Variants in SNX24 observed in about 807,000 individuals in gnomAD.
SNX24 encodes sorting nexin-24.
SNX24 carries 22 observed loss-of-function variants against 28.7 expected under a neutral mutation model. That is an observed-to-expected ratio of 0.77 (90% CI 0.55 to 1.10). The LOEUF (loss-of-function observed/expected upper bound fraction) is 1.10, where lower values mean the gene tolerates loss of function less well. Among genes scored for constraint, SNX24 ranks in the 50% least tolerant of loss-of-function variants. The probability of loss-of-function intolerance (pLI) is 0.00; values close to 1 mark genes in which losing one functional copy is unlikely to be tolerated. For missense variants in SNX24, 221 were observed against 201.1 expected, an observed-to-expected ratio of 1.10 and a Z score of -0.60; for synonymous variants, 69 against 71.5, an observed-to-expected ratio of 0.96 and a Z score of 0.18.
intron 1 of SNX24, among the ~76,000 whole-genome samples, chr5:122,873,844 C>A (rs979219266): frequency 1.3e-5 from 2 of 149,458 alleles, no homozygotes; most frequent in African/African-American, 2.5e-5. Flanking sequence ...CGGCTTACTG[C>A]AACTTCCACC....
chr5:122,984,501 TTAATG>T (rs1761515700), intron 3 of SNX24, among the ~76,000 whole-genome samples: 1 of 152,202 alleles, frequency 6.6e-6, no homozygotes, highest in Non-Finnish European at 1.5e-5. Context: ...CATCTGCTGT[TTAATG>T]TAATTAGTTT....
At chr5:122,925,936 A>T (rs1758675215) in intron 1 of SNX24, among the ~76,000 whole-genome samples, 1 of 152,198 alleles carries the variant, frequency 6.6e-6, no homozygotes, top group South Asian at 2.1e-4. Flanking sequence ...ATAATTTGTT[A>T]GACAAACAGA....
intron 1 of SNX24, among the ~76,000 whole-genome samples, chr5:122,873,843 G>A (rs1359380313): frequency 7.2e-6 from 1 of 139,126 alleles, no homozygotes; most frequent in African/African-American, 2.7e-5. Context: ...TCGGCTTACT[G>A]CAACTTCCAC....
In SNX24 at chr5:122,891,180, TC is replaced by T. The variant is rs1407232966; in HGVS notation, c.60+45489del. 1.7e-5 allele frequency: 23 copies of T among 1,378,940 alleles called. No homozygotes were observed. The African/African-American group carries it at 2.8e-4, about 17-fold the overall frequency. 85.4% of individuals were successfully genotyped at this position (1,378,940 alleles called of 1,614,324 possible). A position where few individuals can be genotyped will look rare whatever the true frequency, so the allele number is the denominator to read the frequency against. On this transcript the variant is annotated intron_variant, in intron 1 of 6. Transcript: ENST00000261369. ...GTGTTTTTTTGTTTTTTGTTTTTTT[TC>T]CTAAGTAGTTTATTTTTCTGGTTGA...
At chr5:122,960,212 C>G (rs1228049858) in intron 3 of SNX24, among the ~76,000 whole-genome samples, 1 of 152,158 alleles carries the variant, frequency 6.6e-6, no homozygotes, top group Non-Finnish European at 1.5e-5. Flanking sequence ...AATGTTTAAA[C>G]AACATCCCAT....
chr5:122,913,241 A>G (rs988887519), intron 1 of SNX24, among the ~76,000 whole-genome samples: 27 of 152,152 alleles, frequency 1.8e-4, no homozygotes, highest in Non-Finnish European at 3.1e-4. Flanking sequence ...CACCTCCCAG[A>G]TGGGGTGGTG....
chr5:122,915,015 G>A (rs150754917), intron 1 of SNX24, among the ~76,000 whole-genome samples: 7 of 152,278 alleles, frequency 4.6e-5, no homozygotes, highest in African/African-American at 7.2e-5. Flanking sequence ...TTGAGTGTCC[G>A]TGATCCAAAA....
chr5:123,022,865 G>A, intron 5 of SNX24: 1 of 152,440 alleles, frequency 6.6e-6, no homozygotes, highest in Non-Finnish European at 1.5e-5. Context: ...GTTGCCTGGG[G>A]CAATCACAGC....
Position 123,001,978 on chromosome 5 carries a change from A to T in SNX24, c.416A>T (p.Asp139Val). The change falls in exon 6 of 7, where the codon GAT becomes GTT. Residue 139 changes from aspartate to valine, a missense_variant. Asp to Val is a radical substitution (Grantham distance 152). Coordinates refer to ENST00000261369, the MANE Select transcript of SNX24 (RefSeq NM_014035.4). ...CAGCCTGTGCTGCTGTTCCTCAGGGATCCATATGTCTTGCCTGCAGCCAGC... is the reference window on the plus strand; with the variant it reads ...CAGCCTGTGCTGCTGTTCCTCAGGGTTCCATATGTCTTGCCTGCAGCCAGC... Reference protein sequence around the residue: ...SHQPVLLFLRDPYVLPAASDF... With the variant: ...SHQPVLLFLRVPYVLPAASDF... The T allele has an allele frequency of 3.1e-6, 5 of 1,614,118 alleles. No homozygotes were observed. The highest frequency in any genetic ancestry group is 1.7e-4 in the Middle Eastern group (1 of 6,060).
intron 3 of SNX24, among the ~76,000 whole-genome samples, chr5:122,988,730 C>T (rs1229109398): frequency 1.1e-4 from 16 of 152,130 alleles, no homozygotes; most frequent in Admixed American, 1.0e-3. Context: ...AGATAATCAG[C>T]TTACATTTTT....
intron 2 of SNX24, among the ~76,000 whole-genome samples, chr5:122,944,436 TTC>T (rs146059100): frequency 0.77 from 116,131 of 151,218 alleles, 45,449 homozygotes; most frequent in East Asian, 0.99. Context: ...GATTTTTTTT[TTC>T]CCCCAAAAAA....
chr5:123,019,347 A>C (rs922606823), intron 5 of SNX24, among the ~76,000 whole-genome samples: 3 of 152,034 alleles, frequency 2.0e-5, no homozygotes, highest in Non-Finnish European at 4.4e-5. Flanking sequence ...TTCTAGATCA[A>C]AGATTTCTTC....
At chr5:122,854,515 CAAA>C (rs55693230) in intron 1 of SNX24, among the ~76,000 whole-genome samples, 1 of 121,412 alleles carries the variant, frequency 8.2e-6, no homozygotes, top group Non-Finnish European at 1.7e-5. Flanking sequence ...CTCAAAAAAA[CAAA>C]AAAAAAAAAC....
chr5:122,894,777 G>A (rs947456935), intron 1 of SNX24, among the ~76,000 whole-genome samples: 23 of 152,200 alleles, frequency 1.5e-4, no homozygotes, highest in African/African-American at 5.3e-4. Context: ...TACCTAGTAG[G>A]TAAGTATAAT....
At chr5:122,914,307 A>G (rs1406967147) in intron 1 of SNX24, among the ~76,000 whole-genome samples, 1 of 152,192 alleles carries the variant, frequency 6.6e-6, no homozygotes, top group East Asian at 1.9e-4. Context: ...CCAGTATTTT[A>G]TTGAGGATTT....
chr5:122,986,944 A>G (rs770096957), intron 3 of SNX24, among the ~76,000 whole-genome samples: 3 of 152,140 alleles, frequency 2.0e-5, no homozygotes, highest in Non-Finnish European at 2.9e-5. Flanking sequence ...AGAAATGAAT[A>G]TTTGAGAAAG....
intron 3 of SNX24, among the ~76,000 whole-genome samples, chr5:122,980,688 G>C (rs1225328127): frequency 6.7e-6 from 1 of 150,324 alleles, no homozygotes; most frequent in Non-Finnish European, 1.5e-5. Flanking sequence ...TGTGTGCCTT[G>C]ACTAATTTAC....
In SNX24 at chr5:122,913,461, C is replaced by T. The variant is rs531173009; in HGVS notation, c.61-23273C>T. ...GGGGGGCTGACCCCCACCTCCCTTCCGGACGGGGTGGCTGCCTGGCGTAGA... is the reference window on the plus strand; with the variant it reads ...GGGGGGCTGACCCCCACCTCCCTTCTGGACGGGGTGGCTGCCTGGCGTAGA... On this transcript the variant is annotated intron_variant, in intron 1 of 6. Transcript: ENST00000261369. 7.8e-3 allele frequency among the ~76,000 whole-genome samples: 1,192 copies of T among 152,066 alleles called. 6 individuals carry two copies. Among genetic ancestry groups the T allele is most frequent in the Non-Finnish European group, 0.013 (909 of 67,942 alleles).
At chr5:122,988,848 G>A (rs1021801237) in intron 3 of SNX24, among the ~76,000 whole-genome samples, 1 of 151,886 alleles carries the variant, frequency 6.6e-6, no homozygotes, top group African/African-American at 2.4e-5. Flanking sequence ...TATGTATTAG[G>A]CCTTTTCTTT....
Sources: gnomAD v4.1 joint callset for allele counts (sites outside exome capture counted in the v4.1 genomes callset) on GRCh38, gnomAD v4.1.1 for gene constraint, MANE v1.5 for transcripts, NCBI Gene and HGNC (gene_info 2026-07-23, HGNC 2026-07-21) for gene names.